Variants in COL5A2 observed in about 807,000 individuals in gnomAD.
The protein encoded by COL5A2 is collagen type V alpha 2 chain.
Under a neutral mutation model 208.2 loss-of-function variants are expected in COL5A2, and 23 were observed. The ratio of observed to expected loss-of-function variants is 0.11; its 90% CI spans 0.08 to 0.16. The LOEUF is 0.16. Among genes scored for constraint, COL5A2 ranks in the 10% least tolerant of loss-of-function variants. The pLI, the probability that COL5A2 is intolerant of heterozygous loss-of-function variation, is 1.00. For synonymous variants in COL5A2, 625 were observed against 628.5 expected, an observed-to-expected ratio of 0.99 and a Z score of 0.08; for missense variants, 1,590 against 1,956.4, an observed-to-expected ratio of 0.81 and a Z score of 3.53.
intron 1 of COL5A2, among the ~76,000 whole-genome samples, chr2:189,178,683 TGTG>T (rs1401183270): frequency 7.4e-6 from 1 of 134,366 alleles, no homozygotes; most frequent in Non-Finnish European, 1.6e-5. Context: ...AGGAAAAAAA[TGTG>T]GTCACCAGGC....
chr2:189,063,497 G>T (rs1360246356), intron 26 of COL5A2, among the ~76,000 whole-genome samples: 5 of 152,172 alleles, frequency 3.3e-5, no homozygotes, highest in Non-Finnish European at 7.4e-5. Flanking sequence ...GCTTCCTCAT[G>T]ATGTCTCCTG....
chr2:189,053,971 T>C (rs1685846720), intron 36 of COL5A2, 23 bp from the exon 37 acceptor site: 6 of 1,610,906 alleles, frequency 3.7e-6, no homozygotes, highest in African/African-American at 1.3e-5. Flanking sequence ...TTTTAGATGG[T>C]TACTGTCCAA....
the COL5A2 span, among the ~76,000 whole-genome samples, chr2:189,435,235 C>A: frequency 6.6e-6 from 1 of 152,124 alleles, no homozygotes; most frequent in African/African-American, 2.4e-5. Flanking sequence ...AGAAGAAAAC[C>A]TAGGCAATAC....
At chr2:189,329,596 T>C in the COL5A2 span, among the ~76,000 whole-genome samples, 1 of 152,160 alleles carries the variant, frequency 6.6e-6, no homozygotes, top group Non-Finnish European at 1.5e-5. Context: ...ACATATATAA[T>C]TTTTATTTCT....
At chr2:189,108,218 T>C (rs1687188302) in intron 2 of COL5A2, among the ~76,000 whole-genome samples, 1 of 151,850 alleles carries the variant, frequency 6.6e-6, no homozygotes, top group Non-Finnish European at 1.5e-5. Context: ...GATTTAAATA[T>C]AATAAATGCT....
the COL5A2 span, among the ~76,000 whole-genome samples, chr2:189,379,784 T>A: frequency 6.6e-6 from 1 of 152,306 alleles, no homozygotes; most frequent in East Asian, 1.9e-4. Context: ...TAGCACACAC[T>A]GTTTTGATTT....
At chr2:189,169,490 A>C (rs893943774) in intron 1 of COL5A2, among the ~76,000 whole-genome samples, 5 of 152,204 alleles carry the variant, frequency 3.3e-5, no homozygotes, top group Non-Finnish European at 7.3e-5. Context: ...TTTGAACAGT[A>C]AAAATTTTAA....
the COL5A2 span, among the ~76,000 whole-genome samples, chr2:189,285,603 C>T: frequency 6.6e-6 from 1 of 152,042 alleles, no homozygotes; most frequent in African/African-American, 2.4e-5. Context: ...GCTACCACGG[C>T]AGAACAAGCA....
chr2:189,384,043 A>G, the COL5A2 span, among the ~76,000 whole-genome samples: 1 of 152,088 alleles, frequency 6.6e-6, no homozygotes, highest in Admixed American at 6.5e-5. Context: ...TTTTTTTAAC[A>G]TAATGCTCTC....
At chr2:189,271,747 T>C in the COL5A2 span, among the ~76,000 whole-genome samples, 10 of 152,288 alleles carry the variant, frequency 6.6e-5, no homozygotes, top group Middle Eastern at 3.4e-3. Context: ...AGAAAATTTT[T>C]GCAGTCTATC....
At chr2:189,068,914 T>C in intron 18 of COL5A2, 30 bp from the exon 19 acceptor site, 1 of 1,447,436 alleles carries the variant, frequency 6.9e-7, no homozygotes, top group South Asian at 1.1e-5. Context: ...AATGTTAATT[T>C]AAGAAAAATA....
At chr2:189,306,048 C>CCT in the COL5A2 span, among the ~76,000 whole-genome samples, 6 of 152,304 alleles carry the variant, frequency 3.9e-5, no homozygotes, top group Admixed American at 3.3e-4. Flanking sequence ...ACCAGCTTAG[C>CCT]TCAGAAGCAA....
intron 38 of COL5A2, 135 bp downstream of exon 38, chr2:189,053,289 A>G (rs1685830876): frequency 1.2e-6 from 1 of 837,900 alleles, no homozygotes; most frequent in Non-Finnish European, 1.9e-6. Context: ...AAAAAAATGT[A>G]TTGAAAATGA....
intron 8 of COL5A2, among the ~76,000 whole-genome samples, chr2:189,087,629 ATTTT>A (rs528975622): frequency 4.1e-5 from 5 of 120,618 alleles, no homozygotes; most frequent in Non-Finnish European, 8.9e-5. Context: ...ATTGTTTTGT[ATTTT>A]TTTTTTTTTT....
chr2:189,231,033 T>A, the COL5A2 span, among the ~76,000 whole-genome samples: 4 of 151,946 alleles, frequency 2.6e-5, no homozygotes, highest in African/African-American at 9.7e-5. Flanking sequence ...ACAACATGGA[T>A]GAATCTTGGA....
chr2:189,251,128 G>A, the COL5A2 span, among the ~76,000 whole-genome samples: 6 of 151,188 alleles, frequency 4.0e-5, no homozygotes, highest in Non-Finnish European at 7.4e-5. Flanking sequence ...TGGGGGGCAT[G>A]GCTCTACACA....
chr2:189,147,498 A>G (rs904381382), intron 1 of COL5A2, among the ~76,000 whole-genome samples: 1 of 152,178 alleles, frequency 6.6e-6, no homozygotes, highest in Non-Finnish European at 1.5e-5. Flanking sequence ...TCACAGAGGA[A>G]TCATGGTACT....
intron 12 of COL5A2, 49 bp from the exon 13 acceptor site, chr2:189,081,092 C>T (rs372844728): frequency 5.4e-6 from 8 of 1,482,218 alleles, no homozygotes; most frequent in Non-Finnish European, 7.5e-6. Flanking sequence ...AATAAGGATG[C>T]AAAATTCCTT....
At chr2:189,349,300 C>A in the COL5A2 span, among the ~76,000 whole-genome samples, 49 of 152,132 alleles carry the variant, frequency 3.2e-4, no homozygotes, top group Non-Finnish European at 5.1e-4. Flanking sequence ...TTCCAACAAA[C>A]AAACTGAATG....
Sources: gnomAD v4.1 joint callset for allele counts (sites outside exome capture counted in the v4.1 genomes callset) on GRCh38, gnomAD v4.1.1 for gene constraint, MANE v1.5 for transcripts, NCBI Gene and HGNC (gene_info 2026-07-23, HGNC 2026-07-21) for gene names.